MED13: variants seen among roughly 807,000 people sequenced by gnomAD.
The protein encoded by MED13 is mediator complex subunit 13.
Under a neutral mutation model 225.2 loss-of-function variants are expected in MED13, and 23 were observed. The observed-to-expected ratio is 0.10, with a 90% CI of 0.07 to 0.14. MED13 has a LOEUF of 0.14. Among genes scored for constraint, MED13 ranks in the 10% least tolerant of loss-of-function variants. The pLI is 1.00. For synonymous variants in MED13, 942 were observed against 889.2 expected (o/e 1.06, Z -1.06); for missense variants, 2,197 against 2,594.5 (o/e 0.85, Z 3.33).
chr17:62,049,080 A>G (rs1263361986), intron 3 of MED13, among the ~76,000 whole-genome samples: 10 of 144,952 alleles, frequency 6.9e-5, no homozygotes, highest in Non-Finnish European at 1.5e-4. Context: ...AAATAAGACA[A>G]AAAAAAAAAA....
intron 3 of MED13, among the ~76,000 whole-genome samples, chr17:62,049,096 GGAGAAAT>G (rs2080930187): frequency 2.4e-5 from 2 of 83,028 alleles, no homozygotes; most frequent in Admixed American, 1.0e-4. Context: ...AAAAAAAAAA[GGAGAAAT>G]GAGAAATGAG....
intron 5 of MED13, chr17:62,032,253 C>G (rs2143681810): frequency 6.6e-6 from 1 of 151,864 alleles, no homozygotes; most frequent in Non-Finnish European, 1.5e-5. Context: ...GCAGGTGGGT[C>G]ATTTGAAGTC....
intron 20 of MED13, among the ~76,000 whole-genome samples, chr17:61,963,293 T>A (rs1488021832): frequency 6.6e-6 from 1 of 150,802 alleles, no homozygotes; most frequent in Non-Finnish European, 1.5e-5. Context: ...AAAGATGGCT[T>A]AGAGTTTAAG....
At chr17:62,062,347 A>C (rs2081045257) in intron 2 of MED13, among the ~76,000 whole-genome samples, 1 of 152,200 alleles carries the variant, frequency 6.6e-6, no homozygotes, top group Non-Finnish European at 1.5e-5. Context: ...TTGGTCCTAA[A>C]AGTCAAGAAA....
chr17:62,027,229 A>C (rs1567987128), intron 8 of MED13, among the ~76,000 whole-genome samples: 1 of 152,200 alleles, frequency 6.6e-6, no homozygotes. Context: ...ACTGGTACTA[A>C]AACAGACACA....
chr17:61,956,307 A>G, intron 24 of MED13, 32 bp downstream of exon 24: 1 of 1,587,112 alleles, frequency 6.3e-7, no homozygotes, highest in Non-Finnish European at 8.6e-7. Flanking sequence ...CATAAAACGG[A>G]AATATAAATA....
intron 9 of MED13, among the ~76,000 whole-genome samples, chr17:61,999,690 G>T (rs530293026): frequency 1.3e-5 from 2 of 152,012 alleles, no homozygotes; most frequent in Non-Finnish European, 2.9e-5. Flanking sequence ...GAATAAAAAA[G>T]GTACTCAGAA....
intron 2 of MED13, 101 bp from the exon 3 acceptor site, chr17:62,052,806 G>A: frequency 1.4e-6 from 1 of 712,042 alleles, no homozygotes; most frequent in Non-Finnish European, 2.1e-6. Flanking sequence ...ATCAACACTA[G>A]CTTACCCCAG....
At chr17:61,981,500 C>G (rs1423000513) in intron 16 of MED13, among the ~76,000 whole-genome samples, 1 of 151,346 alleles carries the variant, frequency 6.6e-6, no homozygotes, top group Non-Finnish European at 1.5e-5. Flanking sequence ...GTCTCCCTAT[C>G]ACACAAAGCA....
At chr17:62,009,664 G>A (rs753480252) in intron 9 of MED13, among the ~76,000 whole-genome samples, 17 of 152,144 alleles carry the variant, frequency 1.1e-4, no homozygotes, top group Non-Finnish European at 1.6e-4. Flanking sequence ...AACTGCAACT[G>A]GGCAACAACC....
At chr17:62,025,539 G>A (rs947119384) in intron 8 of MED13, among the ~76,000 whole-genome samples, 1 of 152,090 alleles carries the variant, frequency 6.6e-6, no homozygotes, top group Non-Finnish European at 1.5e-5. Context: ...GTATGGTGGC[G>A]CGTGCCTATA....
chr17:61,996,836 A>G (rs2080350883), intron 9 of MED13, among the ~76,000 whole-genome samples: 1 of 152,200 alleles, frequency 6.6e-6, no homozygotes, highest in Admixed American at 6.5e-5. Flanking sequence ...CTCCACAAGG[A>G]CAGGGGTCTA....
At chr17:61,994,657 G>C (rs1028264861) in intron 10 of MED13, among the ~76,000 whole-genome samples, 7 of 152,088 alleles carry the variant, frequency 4.6e-5, no homozygotes, top group African/African-American at 1.7e-4. Context: ...CATTATCAGA[G>C]GTCAGCTATA....
intron 8 of MED13, among the ~76,000 whole-genome samples, chr17:62,011,610 TC>T (rs2080510156): frequency 6.6e-6 from 1 of 152,214 alleles, no homozygotes; most frequent in Admixed American, 6.5e-5. Flanking sequence ...ACCTGATATT[TC>T]CTGTTAGTAA....
chr17:61,951,508 TTAAAAATAGATAAAA>T (rs1476718850), intron 27 of MED13, among the ~76,000 whole-genome samples: 1 of 152,274 alleles, frequency 6.6e-6, no homozygotes, highest in South Asian at 2.1e-4. Flanking sequence ...TTCTTGGTAT[TTAAAAATAGATAAAA>T]TAAAAATAAT....
rs113490040 is a variant in MED13 at position 61,958,188 on chromosome 17, C to G, written c.5481-1707G>C. Among the ~76,000 whole-genome samples the G allele has an allele frequency of 6.4e-3, 966 of 151,178 alleles. 8 individuals are homozygous for G. The highest frequency in any genetic ancestry group is 0.022 in the African/African-American group (912 of 41,160). On this transcript the variant is annotated intron_variant, in intron 23 of 29. Transcript: ENST00000397786. ...TGGCTATTACTTATTATTTTTTTGACACGGAGTCTAACTCTATCACCCAGG... is the reference window on the plus strand; with the variant it reads ...TGGCTATTACTTATTATTTTTTTGAGACGGAGTCTAACTCTATCACCCAGG...
At chr17:62,046,862 T>A (rs1286580706) in intron 3 of MED13, among the ~76,000 whole-genome samples, 1 of 146,018 alleles carries the variant, frequency 6.8e-6, no homozygotes, top group Non-Finnish European at 1.5e-5. Context: ...ATAATTTCAA[T>A]TTTTTTTTTT....
rs369350125 is a variant in MED13, at chr17:62,010,794, T to A, written c.1723A>T (p.Met575Leu). ...TPDPLVPSKPMEDRIDSLSQS... is the reference protein window; with the variant it reads ...TPDPLVPSKPLEDRIDSLSQS... ...GACAAACTGTCTATCCTATCTTCCATTGGTTTAGAAGGAACCAAGGGATCT... is the reference window on the plus strand; with the variant it reads ...GACAAACTGTCTATCCTATCTTCCAATGGTTTAGAAGGAACCAAGGGATCT... Residue 575 changes from methionine (M) to leucine (L), a missense_variant, in exon 9 of 30, where the codon ATG (methionine) becomes TTG (leucine). By Grantham distance (15) the Met-to-Leu change is conservative. Coordinates refer to ENST00000397786, the MANE Select transcript of MED13 (RefSeq NM_005121.3). The A allele has an allele frequency of 6.2e-7, 1 of 1,614,244 alleles. No homozygotes were observed. Among genetic ancestry groups the A allele is most frequent in the South Asian group, 1.1e-5 (1 of 91,090 alleles).
At chr17:61,949,748 C>T (rs939754347) in intron 28 of MED13, among the ~76,000 whole-genome samples, 3 of 151,882 alleles carry the variant, frequency 2.0e-5, no homozygotes, top group African/African-American at 4.8e-5. Context: ...AGTGCAGTGG[C>T]GCGATCTCGG....
Sources: allele counts gnomAD v4.1 joint callset (sites outside exome capture counted in the v4.1 genomes callset), GRCh38; gene constraint gnomAD v4.1.1; transcripts MANE v1.5; gene names NCBI Gene and HGNC (gene_info 2026-07-23, HGNC 2026-07-21).